DPYSL2: variants seen among roughly 807,000 people sequenced by gnomAD.
DPYSL2 encodes the protein dihydropyrimidinase like 2.
In DPYSL2, 13 loss-of-function variants were observed where a neutral mutation model predicts 69.9. The ratio of observed to expected loss-of-function variants is 0.19; its 90% CI spans 0.12 to 0.30. DPYSL2 has a LOEUF of 0.30. Among genes scored for constraint, DPYSL2 ranks in the 10% least tolerant of loss-of-function variants. The probability of loss-of-function intolerance (pLI) is 1.00; values close to 1 mark genes in which losing one functional copy is unlikely to be tolerated. For missense variants in DPYSL2, 587 were observed against 918.9 expected, an observed-to-expected ratio of 0.64 and a Z score of 4.67; for synonymous variants, 326 against 359.1, an observed-to-expected ratio of 0.91 and a Z score of 1.04.
At chr8:26,548,174 C>T (rs1031867744) in intron 1 of DPYSL2, 9 of 238,636 alleles carry the variant, frequency 3.8e-5, no homozygotes, top group Admixed American at 1.7e-4. Context: ...CAGACAACCA[C>T]GTCCAAGTAC....
rs1803370530 is a variant in DPYSL2, at chr8:26,655,712, C to G, written c.*6C>G. ...ACATCACCAGCCTGGGCTAGAGCTC[C>G]TGGGCTGTGCCGTCCACTGGGGACT... On this transcript the variant is annotated 3_prime_UTR_variant, in exon 14 of 14. Coordinates refer to ENST00000521913, the MANE Select transcript of DPYSL2 (RefSeq NM_001197293.3). 6.3e-7 allele frequency: 1 copy of G among 1,597,822 alleles called. No individual in the cohort carries two copies. Among genetic ancestry groups the G allele is most frequent in the African/African-American group, 1.3e-5 (1 of 74,786 alleles).
chr8:26,577,566 T>A (rs1205372732), intron 1 of DPYSL2, among the ~76,000 whole-genome samples: 1 of 148,192 alleles, frequency 6.7e-6, no homozygotes, highest in Non-Finnish European at 1.5e-5. Flanking sequence ...CGCAGGCGAG[T>A]GCGTGCGGCC....
rs767986872 is a variant in DPYSL2 at position 26,643,455 on chromosome 8, C to T, written c.1143C>T (p.Gly381=). Residue 381 remains glycine (G), a synonymous_variant, in exon 9 of 14, where the codon GGC becomes GGT. Coordinates refer to ENST00000521913, the MANE Select transcript of DPYSL2 (RefSeq NM_001197293.3). This position sits in a 1 kb window ranked among gnomAD's most constrained non-coding sequence, Gnocchi z 6.5. ...QARKKGTVVY[G]EPITASLGTD... ...GTTTGTCAGGAACTGTGGTGTATGG[C>T]GAGCCCATCACTGCCAGCTTGGGAA... 45 of 1,597,606 alleles carry T rather than the reference C, an allele frequency of 2.8e-5. No homozygotes were observed. The highest frequency in any genetic ancestry group is 1.1e-4 in the South Asian group (10 of 87,286).
chr8:26,635,052 G>C, intron 8 of DPYSL2, 152 bp downstream of exon 8: 1 of 1,181,288 alleles, frequency 8.5e-7, no homozygotes, highest in East Asian at 2.6e-5. Flanking sequence ...GCCGGGCAAG[G>C]CAGGAGCTCC....
At chr8:26,606,994 G>A (rs1029744369) in intron 3 of DPYSL2, among the ~76,000 whole-genome samples, 1 of 152,158 alleles carries the variant, frequency 6.6e-6, no homozygotes, top group Non-Finnish European at 1.5e-5. Flanking sequence ...TATCTAACAA[G>A]AGCTGTAAAA....
At chr8:26,536,588 C>T (rs1408149878) in intron 1 of DPYSL2, among the ~76,000 whole-genome samples, 1 of 152,062 alleles carries the variant, frequency 6.6e-6, no homozygotes, top group African/African-American at 2.4e-5. Context: ...GGAGAATCGC[C>T]TGAACCCAGG....
chr8:26,622,361 G>A (rs140146385), intron 3 of DPYSL2, among the ~76,000 whole-genome samples: 333 of 151,866 alleles, frequency 2.2e-3, no homozygotes, highest in Non-Finnish European at 3.5e-3. Context: ...TACCAGATAT[G>A]TGTGTACCCA....
Position 26,645,404 on chromosome 8 carries a change from AAAT to A in DPYSL2, c.1425+1330_1425+1332del, listed in dbSNP as rs578261853. 2.4e-4 allele frequency among the ~76,000 whole-genome samples: 37 copies of A among 151,954 alleles called. No homozygotes were observed. In the East Asian group the frequency reaches 6.4e-3, roughly 26 times the overall value. ...GGACACAGTGAGACCCTGTTTCAAA[AAAT>A]AATAATAATAATAATATTGGCATCA... On this transcript the variant is annotated intron_variant, in intron 10 of 13. Coordinates refer to ENST00000521913, the MANE Select transcript of DPYSL2 (RefSeq NM_001197293.3).
rs1219118050 is a variant in DPYSL2, at chr8:26,657,661, A to G, written c.*1955A>G. 2.6e-5 allele frequency: 4 copies of G among 152,644 alleles called. No individual in the cohort carries two copies. The highest frequency in any genetic ancestry group is 5.9e-5 in the Non-Finnish European group (4 of 68,044). The allele number at this position is 152,644 out of a possible 1,614,324, so 9.5% of individuals were successfully genotyped here. A position where few individuals can be genotyped will look rare whatever the true frequency, so the allele number is the denominator to read the frequency against. On this transcript the variant is annotated 3_prime_UTR_variant, in exon 14 of 14. Coordinates refer to ENST00000521913, the MANE Select transcript of DPYSL2 (RefSeq NM_001197293.3). ...GGAAATTTGAACAAGTTGGAAAAAA[A>G]CAATTTTTGTTTCAATTCTAAGAAA... is the stretch of plus-strand genomic sequence containing the variant.
Position 26,647,472 on chromosome 8 carries a change from C to T in DPYSL2, c.1426-158C>T, listed in dbSNP as rs1803192109. Among the ~76,000 whole-genome samples, 1 of 152,236 alleles carries T rather than the reference C, an allele frequency of 6.6e-6. No homozygotes were observed. Among genetic ancestry groups the T allele is most frequent in the African/African-American group, 2.4e-5 (1 of 41,464 alleles). ...AGAATGTTATAGAAATGGAGTCATA[C>T]AGTGTGTGACCTTTGAGACGGTTTG... On this transcript the variant is annotated intron_variant, in intron 10 of 13. Coordinates refer to ENST00000521913, the MANE Select transcript of DPYSL2 (RefSeq NM_001197293.3). This position sits in a 1 kb window ranked among gnomAD's most constrained non-coding sequence, Gnocchi z 5.1.
At chr8:26,629,275 GACAC>G (rs1448186065) in intron 7 of DPYSL2, among the ~76,000 whole-genome samples, 1 of 151,734 alleles carries the variant, frequency 6.6e-6, no homozygotes, top group African/African-American at 2.4e-5. Context: ...CAGACACATA[GACAC>G]ACAGACAGCT....
rs1463669495 is a variant in DPYSL2 at position 26,624,325 on chromosome 8, A to G, written c.793+18A>G. 6.2e-7 allele frequency: 1 copy of G among 1,612,804 alleles called. No individual in the cohort carries two copies. Among genetic ancestry groups the G allele is most frequent in the African/African-American group, 1.3e-5 (1 of 75,044 alleles). On this transcript the variant is annotated intron_variant, in intron 4 of 13. Coordinates refer to ENST00000521913, the MANE Select transcript of DPYSL2 (RefSeq NM_001197293.3). The surrounding 1 kb of genome is among the most constrained non-coding windows in gnomAD (Gnocchi z 4.7). ...GGATCACGGTAGGTTGCACTGAGTC[A>G]ATGCCCTCTGCAGATGTTTCCGCTT... is the stretch of plus-strand genomic sequence containing the variant.
chr8:26,542,953 A>AGT (rs1800709333), intron 1 of DPYSL2, among the ~76,000 whole-genome samples: 1 of 152,214 alleles, frequency 6.6e-6, no homozygotes, highest in East Asian at 1.9e-4. Flanking sequence ...AAAATTCCAA[A>AGT]GTGATATGAA....
At chr8:26,612,894 C>T (rs753811721) in intron 3 of DPYSL2, among the ~76,000 whole-genome samples, 21 of 152,200 alleles carry the variant, frequency 1.4e-4, no homozygotes, top group Admixed American at 2.6e-4. Flanking sequence ...CAGGCAAGTC[C>T]CGTGGCCTCC....
At chr8:26,584,511 G>A (rs1335052762) in intron 3 of DPYSL2, among the ~76,000 whole-genome samples, 2 of 151,972 alleles carry the variant, frequency 1.3e-5, no homozygotes, top group Non-Finnish European at 2.9e-5. Flanking sequence ...GAATTGGGCA[G>A]CCCTGTCTGG....
chr8:26,581,815 A>G (rs1361800457), intron 1 of DPYSL2, among the ~76,000 whole-genome samples, 154 bp from the exon 2 acceptor site: 1 of 152,140 alleles, frequency 6.6e-6, no homozygotes, highest in African/African-American at 2.4e-5. Context: ...AGGTTGCCAC[A>G]TACAGGCTTA....
At chr8:26,592,987 G>A (rs985967679) in intron 3 of DPYSL2, among the ~76,000 whole-genome samples, 3 of 152,040 alleles carry the variant, frequency 2.0e-5, no homozygotes, top group Admixed American at 1.3e-4. Flanking sequence ...TTGACTCTCC[G>A]TGATTGTTGG....
At position 26,640,688 on chromosome 8, in the gene DPYSL2, G is replaced by T. The variant is rs1803021278; in HGVS notation, c.1127-2751G>T. 6.6e-6 allele frequency among the ~76,000 whole-genome samples: 1 copy of T among 152,196 alleles called. No homozygotes were observed. The highest frequency in any genetic ancestry group is 2.4e-5 in the African/African-American group (1 of 41,436). ...CTGTCGCTGATTCTGGGCTAAGAAA[G>T]AAAGAAAATCCAAAAGACAGCAAGG... On this transcript the variant is annotated intron_variant, in intron 8 of 13. Transcript: ENST00000521913. This position sits in a 1 kb window ranked among gnomAD's most constrained non-coding sequence, Gnocchi z 4.2.
At chr8:26,556,660 G>A (rs1408674530) in intron 1 of DPYSL2, among the ~76,000 whole-genome samples, 1 of 151,670 alleles carries the variant, frequency 6.6e-6, no homozygotes, top group Non-Finnish European at 1.5e-5. Flanking sequence ...TAGATAGATG[G>A]ATTGTCATGA....
Sources: allele counts gnomAD v4.1 joint callset (sites outside exome capture counted in the v4.1 genomes callset), GRCh38; gene constraint gnomAD v4.1.1; non-coding constraint Gnocchi (gnomAD v3.1); transcripts MANE v1.5; gene names NCBI Gene and HGNC (gene_info 2026-07-23, HGNC 2026-07-21).